The following UBE2H variants were observed in gnomAD, a reference collection of about 807,000 sequenced individuals.
The protein encoded by UBE2H is ubiquitin conjugating enzyme E2 H.
UBE2H carries 3 observed loss-of-function variants against 29.0 expected under a neutral mutation model. The ratio of observed to expected loss-of-function variants is 0.10; its 90% CI spans 0.05 to 0.27. The LOEUF (loss-of-function observed/expected upper bound fraction) is 0.27. Among genes scored for constraint, UBE2H ranks in the 10% least tolerant of loss-of-function variants. UBE2H has a pLI of 1.00. For missense variants in UBE2H, 68 were observed against 228.2 expected (o/e 0.30, Z 4.52); for synonymous variants, 69 against 82.9 (o/e 0.83, Z 0.91).
At chr7:129,891,953 C>CCTTTTTTTTTTT (rs1806500152) in intron 1 of UBE2H, among the ~76,000 whole-genome samples, 1 of 127,136 alleles carries the variant, frequency 7.9e-6, no homozygotes, top group Non-Finnish European at 1.6e-5. Flanking sequence ...CATGCTACAC[C>CCTTTTTTTTTTT]TTTTTTTTTT....
chr7:129,920,390 A>G (rs959140203), intron 1 of UBE2H, among the ~76,000 whole-genome samples: 5 of 152,184 alleles, frequency 3.3e-5, no homozygotes, highest in Non-Finnish European at 5.9e-5. Context: ...GACACTGTAT[A>G]TAACGGTGAA....
chr7:129,952,444 C>A, intron 1 of UBE2H, 59 bp downstream of exon 1: 2 of 1,593,056 alleles, frequency 1.3e-6, no homozygotes, highest in Non-Finnish European at 1.7e-6. Context: ...CCGGGGGTGC[C>A]CTGGGCATCC....
chr7:129,951,874 G>A (rs1807883066), intron 1 of UBE2H, among the ~76,000 whole-genome samples: 1 of 152,146 alleles, frequency 6.6e-6, no homozygotes, highest in African/African-American at 2.4e-5. Flanking sequence ...GGCTTTGTCA[G>A]TGGAAAGGAA....
chr7:129,907,074 T>C (rs1806833070), intron 1 of UBE2H, among the ~76,000 whole-genome samples: 1 of 152,116 alleles, frequency 6.6e-6, no homozygotes. Context: ...TGCGACTCAC[T>C]GAGTTGGAAG....
At chr7:129,873,604 T>A (rs949133556) in intron 3 of UBE2H, among the ~76,000 whole-genome samples, 1 of 151,600 alleles carries the variant, frequency 6.6e-6, no homozygotes, top group African/African-American at 2.4e-5. Context: ...CCAGCTAATT[T>A]TTGTATTTTT....
intron 1 of UBE2H, 45 bp from the exon 2 acceptor site, chr7:129,881,016 G>T: frequency 6.4e-7 from 1 of 1,565,298 alleles, no homozygotes; most frequent in Non-Finnish European, 8.7e-7. Flanking sequence ...TACAGTATCT[G>T]GCAGAATTAC....
chr7:129,841,947 T>C (rs1394648587), intron 5 of UBE2H, among the ~76,000 whole-genome samples: 1 of 152,220 alleles, frequency 6.6e-6, no homozygotes, highest in Non-Finnish European at 1.5e-5. Flanking sequence ...TACAAAACCA[T>C]TGAAAACTAT....
chr7:129,862,089 G>C (rs1164641673), intron 3 of UBE2H, among the ~76,000 whole-genome samples: 1 of 152,092 alleles, frequency 6.6e-6, no homozygotes, highest in Non-Finnish European at 1.5e-5. Context: ...TAAGGTACGT[G>C]GTCCTCAAGA....
chr7:129,951,268 A>G (rs1301147111), intron 1 of UBE2H: 5 of 152,260 alleles, frequency 3.3e-5, no homozygotes, highest in Non-Finnish European at 7.3e-5. Flanking sequence ...GGAAGAAAAA[A>G]GGTATTCACC....
At chr7:129,892,788 T>G (rs1344473989) in intron 1 of UBE2H, among the ~76,000 whole-genome samples, 1 of 152,142 alleles carries the variant, frequency 6.6e-6, no homozygotes, top group East Asian at 1.9e-4. Context: ...TCCTTTAAAA[T>G]GTATCTATAG....
At chr7:129,872,132 G>A (rs1806052223) in intron 3 of UBE2H, among the ~76,000 whole-genome samples, 1 of 152,092 alleles carries the variant, frequency 6.6e-6, no homozygotes, top group Admixed American at 6.5e-5. Context: ...TGGTATTACG[G>A]GCATGAGTCA....
At chr7:129,947,937 C>T (rs1168772937) in intron 1 of UBE2H, among the ~76,000 whole-genome samples, 1 of 152,148 alleles carries the variant, frequency 6.6e-6, no homozygotes, top group East Asian at 1.9e-4. Context: ...ACCACAACCT[C>T]CGCCTCATGG....
intron 1 of UBE2H, among the ~76,000 whole-genome samples, chr7:129,919,428 A>T (rs78619193): frequency 1.3e-5 from 2 of 151,848 alleles, no homozygotes; most frequent in African/African-American, 4.8e-5. Context: ...ACCTGCCTCC[A>T]TATCTGCAGG....
chr7:129,899,174 TTACAA>T (rs1199754155), intron 1 of UBE2H, among the ~76,000 whole-genome samples: 1 of 152,218 alleles, frequency 6.6e-6, no homozygotes, highest in Non-Finnish European at 1.5e-5. Context: ...TTGCTATTAG[TTACAA>T]TAAACATCCC....
chr7:129,928,203 T>C (rs12535347), intron 1 of UBE2H, among the ~76,000 whole-genome samples: 9,629 of 151,836 alleles, frequency 0.063, 367 homozygotes, highest in Non-Finnish European at 0.091. Context: ...TGGTGACACG[T>C]GCCTGTAGTC....
chr7:129,934,595 G>A (rs537238378), intron 1 of UBE2H, among the ~76,000 whole-genome samples: 1 of 137,320 alleles, frequency 7.3e-6, no homozygotes, highest in African/African-American at 2.8e-5. Context: ...CCAAGATCAT[G>A]CCACTGCACT....
intron 5 of UBE2H, among the ~76,000 whole-genome samples, chr7:129,842,313 G>A (rs1300428642): frequency 6.6e-6 from 1 of 152,004 alleles, no homozygotes; most frequent in Non-Finnish European, 1.5e-5. Flanking sequence ...CGTGCCTGTA[G>A]TCCCAGCTAC....
chr7:129,942,491 C>T (rs1172161223), intron 1 of UBE2H, among the ~76,000 whole-genome samples: 1 of 152,092 alleles, frequency 6.6e-6, no homozygotes, highest in African/African-American at 2.4e-5. Flanking sequence ...CCGTCTCTCA[C>T]ACACACAAAA....
At chr7:129,939,477 T>A (rs1176511882) in intron 1 of UBE2H, among the ~76,000 whole-genome samples, 2 of 152,216 alleles carry the variant, frequency 1.3e-5, no homozygotes, top group Non-Finnish European at 1.5e-5. Flanking sequence ...GTAGTAAACA[T>A]CCAGCAGTAA....
Sources: gnomAD v4.1 joint callset for allele counts (sites outside exome capture counted in the v4.1 genomes callset) on GRCh38, gnomAD v4.1.1 for gene constraint, MANE v1.5 for transcripts, NCBI Gene and HGNC (gene_info 2026-07-23, HGNC 2026-07-21) for gene names.